RANBP17: variants seen among roughly 807,000 people sequenced by gnomAD.
RANBP17 encodes the protein RAN binding protein 17.
In RANBP17, 158 loss-of-function variants were observed where a neutral mutation model predicts 141.2. That is an observed-to-expected ratio of 1.12 (90% CI 0.98 to 1.28). The LOEUF is 1.28. Among genes scored for constraint, RANBP17 ranks in the 50% most tolerant of loss-of-function variants. RANBP17 has a pLI of 0.00. For synonymous variants in RANBP17, 430 were observed against 450.0 expected (o/e 0.96, Z 0.56); for missense variants, 1,438 against 1,290.7 (o/e 1.11, Z -1.75).
chr5:171,008,599 G>A lies in RANBP17; in HGVS notation c.1710+40222G>A, dbSNP rs192963423. 1.3e-3 allele frequency among the ~76,000 whole-genome samples: 199 copies of A among 152,284 alleles called. 1 individual carries two copies. Among genetic ancestry groups the A allele is most frequent in the African/African-American group, 4.7e-3 (194 of 41,558 alleles). On this transcript the variant is annotated intron_variant, in intron 14 of 27. Coordinates refer to ENST00000523189, the MANE Select transcript of RANBP17 (RefSeq NM_022897.5). ...GTTAGGAGCAATGTTTTGCGGGTAGGGGGTGAATCTCACAAAGTACATTCT... is the reference window on the plus strand; with the variant it reads ...GTTAGGAGCAATGTTTTGCGGGTAGAGGGTGAATCTCACAAAGTACATTCT...
At chr5:171,155,202 A>G (rs1758815252) in intron 14 of RANBP17, among the ~76,000 whole-genome samples, 1 of 149,944 alleles carries the variant, frequency 6.7e-6, no homozygotes, top group African/African-American at 2.5e-5. Flanking sequence ...TTTTGATTGT[A>G]CATTCTTAGC....
intron 13 of RANBP17, among the ~76,000 whole-genome samples, chr5:170,954,511 T>TACACACACACAC (rs71787034): frequency 7.2e-5 from 9 of 125,706 alleles, no homozygotes; most frequent in African/African-American, 2.4e-4. Flanking sequence ...TGGTATATTT[T>TACACACACACAC]ACACACACAC....
At chr5:171,053,668 G>GGT (rs1242056056) in intron 14 of RANBP17, among the ~76,000 whole-genome samples, 5 of 151,356 alleles carry the variant, frequency 3.3e-5, no homozygotes, top group Non-Finnish European at 7.4e-5. Flanking sequence ...TCTGTAAAGA[G>GGT]GTAGTTTTGT....
At chr5:171,200,377 T>A (rs180774085) in intron 19 of RANBP17, among the ~76,000 whole-genome samples, 116 of 152,278 alleles carry the variant, frequency 7.6e-4, no homozygotes, top group African/African-American at 2.6e-3. Context: ...AGTCATAATA[T>A]CTAAGACAAC....
chr5:170,893,399 C>T (rs1358461323), intron 4 of RANBP17, among the ~76,000 whole-genome samples: 1 of 152,158 alleles, frequency 6.6e-6, no homozygotes, highest in Non-Finnish European at 1.5e-5. Context: ...TCATGCCTTG[C>T]TCAGTATGAT....
At chr5:171,209,985 T>C (rs888450657) in intron 20 of RANBP17, among the ~76,000 whole-genome samples, 3 of 151,984 alleles carry the variant, frequency 2.0e-5, no homozygotes, top group African/African-American at 4.8e-5. Flanking sequence ...TGGATAGATA[T>C]TGTAAAGAAG....
chr5:171,201,871 T>A (rs1464630303), intron 19 of RANBP17, among the ~76,000 whole-genome samples: 1 of 152,258 alleles, frequency 6.6e-6, no homozygotes, highest in Non-Finnish European at 1.5e-5. Context: ...TTTCAGGTAC[T>A]TCATTTTGCA....
intron 14 of RANBP17, among the ~76,000 whole-genome samples, chr5:171,150,093 A>G (rs1360761890): frequency 6.6e-6 from 1 of 152,108 alleles, no homozygotes; most frequent in Non-Finnish European, 1.5e-5. Context: ...CTGTTTTTAT[A>G]TTCTGTTTAC....
At chr5:170,984,446 C>T (rs1014097498) in intron 14 of RANBP17, among the ~76,000 whole-genome samples, 2 of 151,900 alleles carry the variant, frequency 1.3e-5, no homozygotes, top group Non-Finnish European at 2.9e-5. Context: ...TGCAATATAG[C>T]GAGACCCTGT....
At chr5:170,983,173 T>A in intron 14 of RANBP17, 1 of 476,468 alleles carries the variant, frequency 2.1e-6, no homozygotes, top group East Asian at 4.3e-5. Context: ...GGAGAGAGGC[T>A]AAGGGAAGCT....
intron 13 of RANBP17, among the ~76,000 whole-genome samples, chr5:170,965,580 G>C (rs1776493877): frequency 1.3e-5 from 2 of 152,098 alleles, no homozygotes; most frequent in South Asian, 4.1e-4. Context: ...TTTGTATAAG[G>C]TGTAAGGAAG....
chr5:170,893,200 A>G (rs754039817), intron 4 of RANBP17, among the ~76,000 whole-genome samples: 2 of 151,204 alleles, frequency 1.3e-5, no homozygotes, highest in African/African-American at 2.4e-5. Flanking sequence ...GTCATAGTAT[A>G]TGCACATTTA....
At chr5:171,088,751 G>A (rs980102536) in intron 14 of RANBP17, among the ~76,000 whole-genome samples, 6 of 151,914 alleles carry the variant, frequency 3.9e-5, no homozygotes, top group South Asian at 4.2e-4. Context: ...CCAGTTGATC[G>A]CATCGGCTCC....
intron 22 of RANBP17, among the ~76,000 whole-genome samples, chr5:171,231,887 A>G (rs554357790): frequency 6.6e-6 from 1 of 152,336 alleles, no homozygotes; most frequent in African/African-American, 2.4e-5. Flanking sequence ...TTGATGTTAC[A>G]TTATTCATAA....
In RANBP17 at chr5:170,966,139, T is replaced by C. The variant is rs1458672680; in HGVS notation, c.1575-2103T>C. Among the ~76,000 whole-genome samples the C allele has an allele frequency of 7.2e-5, 11 of 152,028 alleles. No individual in the cohort carries two copies. The South Asian group carries it at 1.5e-3, about 20-fold the overall frequency. On this transcript the variant is annotated intron_variant, in intron 13 of 27. Coordinates refer to ENST00000523189, the MANE Select transcript of RANBP17 (RefSeq NM_022897.5). Reference sequence around the variant, plus strand: ...ACAAGGAGGAACTGGTACCATTCCTTCTGAAACTATTCCAATCAGTAGAAA... The same window carrying C: ...ACAAGGAGGAACTGGTACCATTCCTCCTGAAACTATTCCAATCAGTAGAAA...
chr5:171,028,469 G>T (rs914910199), intron 14 of RANBP17, among the ~76,000 whole-genome samples: 10 of 152,094 alleles, frequency 6.6e-5, no homozygotes, highest in Non-Finnish European at 1.3e-4. Flanking sequence ...TGCTAGCATA[G>T]CTGTAATATG....
At position 170,966,537 on chromosome 5, in the gene RANBP17, C is replaced by T. The variant is rs532495249; in HGVS notation, c.1575-1705C>T. 2.3e-4 allele frequency among the ~76,000 whole-genome samples: 35 copies of T among 152,226 alleles called. 1 individual carries two copies. The South Asian group carries it at 6.8e-3, about 30-fold the overall frequency. On this transcript the variant is annotated intron_variant, in intron 13 of 27. Transcript: ENST00000523189. ...CTCAATAAATTAGGTATTGATGGGACGTATCTCAAAATGATAAGAGCTATC... is the reference window on the plus strand; with the variant it reads ...CTCAATAAATTAGGTATTGATGGGATGTATCTCAAAATGATAAGAGCTATC...
intron 22 of RANBP17, among the ~76,000 whole-genome samples, chr5:171,231,188 A>G (rs1269112245): frequency 6.6e-6 from 1 of 150,604 alleles, no homozygotes; most frequent in Non-Finnish European, 1.5e-5. Context: ...ACCTCAAGCA[A>G]TCCTCCGCAC....
rs140208253 is a variant in RANBP17 at position 171,277,938 on chromosome 5, C to CTTTTTTTTTTTTT, written c.2943+12110_2943+12122dup. 2.8e-5 allele frequency among the ~76,000 whole-genome samples: 2 copies of CTTTTTTTTTTTTT among 72,266 alleles called. 1 individual carries two copies. Among genetic ancestry groups the CTTTTTTTTTTTTT allele is most frequent in the African/African-American group, 1.1e-4 (2 of 17,572 alleles). 47.4% of individuals were successfully genotyped at this position (72,266 alleles called of 152,430 possible). ...CAGTCCTTGAGCCTAGGACTTCTTT[C>CTTTTTTTTTTTTT]TTTTTTTTTTTTTTTTTTTTTTTTT... On this transcript the variant is annotated intron_variant, in intron 25 of 27. Coordinates refer to ENST00000523189, the MANE Select transcript of RANBP17 (RefSeq NM_022897.5).
Sources: gnomAD v4.1 joint callset for allele counts (sites outside exome capture counted in the v4.1 genomes callset) on GRCh38, gnomAD v4.1.1 for gene constraint, MANE v1.5 for transcripts, NCBI Gene and HGNC (gene_info 2026-07-23, HGNC 2026-07-21) for gene names.